ETS1: variants seen among roughly 807,000 people sequenced by gnomAD.
ETS1 encodes the protein ETS proto-oncogene 1, transcription factor, also known as protein C-ets-1.
Under a neutral mutation model 58.6 loss-of-function variants are expected in ETS1, and 15 were observed. The observed-to-expected ratio is 0.26, with a 90% CI of 0.17 to 0.39. The LOEUF (loss-of-function observed/expected upper bound fraction) is 0.39. Ranked by LOEUF, ETS1 falls within the 10% of genes least tolerant of loss-of-function variation. The pLI is 1.00. For missense variants in ETS1, 417 were observed against 610.5 expected (o/e 0.68, Z 3.34); for synonymous variants, 214 against 218.2 (o/e 0.98, Z 0.17).
Position 128,583,629 on chromosome 11 carries a change from G to GT in ETS1, c.-15+3858dup, listed in dbSNP as rs548150650. 2.3e-3 allele frequency among the ~76,000 whole-genome samples: 356 copies of GT among 152,024 alleles called. 1 individual carries two copies. The highest frequency in any genetic ancestry group is 8.0e-3 in the African/African-American group (331 of 41,480). Reference sequence around the variant, plus strand: ...ATCTGGAATTATTTCAAAGTGAAAAGTTTTTTTTAAGTCTCTAAAAAGACT... The same window carrying GT: ...ATCTGGAATTATTTCAAAGTGAAAAGTTTTTTTTTAAGTCTCTAAAAAGACT... On this transcript the variant is annotated intron_variant, in intron 1 of 9. Transcript: ENST00000392668.
intron 8 of ETS1, among the ~76,000 whole-genome samples, chr11:128,471,483 C>G (rs1265604083): frequency 6.6e-6 from 1 of 152,242 alleles, no homozygotes; most frequent in Admixed American, 6.5e-5. Flanking sequence ...AATGCAACCA[C>G]CTCTTTCTTC....
chr11:128,474,355 A>G lies in ETS1; in HGVS notation c.1123+5836T>C, dbSNP rs1862264889. On this transcript the variant is annotated intron_variant, in intron 8 of 9. Transcript: ENST00000392668. The stretch of plus-strand genomic sequence containing the variant: ...TTTGAAAGCCATGACAGAAATAGGC[A>G]ATCACCACTTTCCACGTTTTTTAAA... 2.0e-5 allele frequency among the ~76,000 whole-genome samples: 3 copies of G among 152,196 alleles called. No homozygotes were observed. In the South Asian group the frequency reaches 6.2e-4, roughly 31 times the overall value.
intron 7 of ETS1, among the ~76,000 whole-genome samples, chr11:128,483,038 A>G (rs750301032): frequency 1.2e-4 from 19 of 152,258 alleles, no homozygotes; most frequent in Non-Finnish European, 2.5e-4. Context: ...GTCTAGACCA[A>G]TCACAGCATC....
At chr11:128,479,451 C>G (rs1862421586) in intron 8 of ETS1, among the ~76,000 whole-genome samples, 1 of 152,224 alleles carries the variant, frequency 6.6e-6, no homozygotes, top group Non-Finnish European at 1.5e-5. Flanking sequence ...GATATACTCT[C>G]CACATGTTTT....
At chr11:128,481,693 T>C (rs986773823) in intron 7 of ETS1, among the ~76,000 whole-genome samples, 2 of 152,244 alleles carry the variant, frequency 1.3e-5, no homozygotes, top group African/African-American at 2.4e-5. Flanking sequence ...GGCTGACTTA[T>C]ACAACTTCAT....
chr11:128,566,628 A>G (rs1864504295), intron 2 of ETS1, among the ~76,000 whole-genome samples: 1 of 152,110 alleles, frequency 6.6e-6, no homozygotes, highest in African/African-American at 2.4e-5. Flanking sequence ...CTAAAAATAC[A>G]AAAAATTAGC....
chr11:128,467,067 T>C (rs1157468538), intron 8 of ETS1, among the ~76,000 whole-genome samples: 4 of 152,120 alleles, frequency 2.6e-5, no homozygotes, highest in Non-Finnish European at 5.9e-5. Context: ...TCTAGCACCT[T>C]TTTGCTGACT....
chr11:128,572,962 T>A, intron 2 of ETS1, 100 bp downstream of exon 2: 1 of 867,728 alleles, frequency 1.2e-6, no homozygotes, highest in Non-Finnish European at 1.9e-6. Flanking sequence ...GAGTTCAGGT[T>A]CCTGGCTTCT....
intron 7 of ETS1, among the ~76,000 whole-genome samples, chr11:128,481,480 G>A (rs1237374134): frequency 1.3e-5 from 2 of 151,646 alleles, no homozygotes; most frequent in African/African-American, 4.8e-5. Context: ...GAGCGAAAAA[G>A]GCTCGCAGGA....
intron 3 of ETS1, among the ~76,000 whole-genome samples, chr11:128,554,538 T>C (rs1864283357): frequency 6.6e-6 from 1 of 152,136 alleles, no homozygotes; most frequent in African/African-American, 2.4e-5. Flanking sequence ...TTTGAGAAAC[T>C]TGACAAAGAG....
In ETS1 at chr11:128,463,420, G is replaced by C. The variant is rs1411314111; in HGVS notation, c.1242+89C>G. The C allele has an allele frequency of 3.9e-6, 3 of 776,686 alleles. No homozygotes were observed. The highest frequency in any genetic ancestry group is 1.8e-5 in the Admixed American group (1 of 54,156). 48.1% of individuals were successfully genotyped at this position (776,686 alleles called of 1,614,324 possible). On this transcript the variant is annotated intron_variant, in intron 9 of 9. Transcript: ENST00000392668. The surrounding 1 kb of genome is among the most constrained non-coding windows in gnomAD (Gnocchi z 4.1). Reference sequence around the variant, plus strand: ...GGCAGAGCTGGGAATCCCAATCCTGGAACACGTCATTCAGGCCCACGCCAC... The same window carrying C: ...GGCAGAGCTGGGAATCCCAATCCTGCAACACGTCATTCAGGCCCACGCCAC...
chr11:128,481,830 T>C (rs1177552551), intron 7 of ETS1, among the ~76,000 whole-genome samples: 1 of 152,230 alleles, frequency 6.6e-6, no homozygotes, highest in African/African-American at 2.4e-5. Flanking sequence ...CTCCCAACAT[T>C]GTTTAAAGAT....
At chr11:128,472,296 T>C (rs570961455) in intron 8 of ETS1, among the ~76,000 whole-genome samples, 1 of 152,322 alleles carries the variant, frequency 6.6e-6, no homozygotes, top group South Asian at 2.1e-4. Flanking sequence ...CCCATCCTTG[T>C]TTCAGAGTTT....
At chr11:128,502,687 A>C (rs545055960) in intron 3 of ETS1, among the ~76,000 whole-genome samples, 31 of 152,340 alleles carry the variant, frequency 2.0e-4, no homozygotes, top group Admixed American at 1.7e-3. Context: ...TTTTGCTCTA[A>C]CATGGCTTTG....
intron 3 of ETS1, among the ~76,000 whole-genome samples, chr11:128,523,974 AGAAGAAG>A (rs1863752457): frequency 6.6e-6 from 1 of 152,086 alleles, no homozygotes; most frequent in Admixed American, 6.5e-5. Context: ...ATTCATCAGG[AGAAGAAG>A]TGAACAAATC....
At chr11:128,533,421 C>G (rs559903333) in intron 3 of ETS1, among the ~76,000 whole-genome samples, 2 of 152,290 alleles carry the variant, frequency 1.3e-5, no homozygotes, top group East Asian at 1.9e-4. Flanking sequence ...CCCTTAGATA[C>G]TCCTCACCGC....
intron 2 of ETS1, among the ~76,000 whole-genome samples, chr11:128,570,060 T>C (rs1864593562): frequency 6.6e-6 from 1 of 152,206 alleles, no homozygotes. Context: ...GTTGAAATTA[T>C]GCACTTAGAG....
chr11:128,480,181 G>A lies in ETS1; in HGVS notation c.1123+10C>T. 8 of 1,612,738 alleles carry A rather than the reference G, an allele frequency of 5.0e-6. No individual in the cohort carries two copies. The highest frequency in any genetic ancestry group is 6.8e-6 in the Non-Finnish European group (8 of 1,179,362). Reference sequence around the variant, plus strand: ...GATGGAGTTGGCCTAAGCAGCGGGAGGGCGCCTACCTGTGTAGCCAGCTAG... The same window carrying A: ...GATGGAGTTGGCCTAAGCAGCGGGAAGGCGCCTACCTGTGTAGCCAGCTAG... On this transcript the variant is annotated intron_variant, in intron 8 of 9. Coordinates refer to ENST00000392668, the MANE Select transcript of ETS1 (RefSeq NM_001143820.2).
At chr11:128,522,718 C>A (rs1213837224) in intron 3 of ETS1, among the ~76,000 whole-genome samples, 3 of 152,216 alleles carry the variant, frequency 2.0e-5, no homozygotes, top group African/African-American at 7.2e-5. Context: ...CCGCTCTCGC[C>A]CCCTCCCAGT....
Sources: gnomAD v4.1 joint callset for allele counts (sites outside exome capture counted in the v4.1 genomes callset) on GRCh38, gnomAD v4.1.1 for gene constraint, Gnocchi (gnomAD v3.1) non-coding constraint, MANE v1.5 for transcripts, NCBI Gene and HGNC (gene_info 2026-07-23, HGNC 2026-07-21) for gene names.